The following SLC25A21 variants were observed in gnomAD, a reference collection of about 807,000 sequenced individuals.
SLC25A21 encodes the protein mitochondrial 2-oxodicarboxylate carrier.
SLC25A21 carries 47 observed loss-of-function variants against 43.8 expected under a neutral mutation model. That is an observed-to-expected ratio of 1.07 (90% confidence interval 0.85 to 1.37). The LOEUF (loss-of-function observed/expected upper bound fraction) is 1.37. Among genes scored for constraint, SLC25A21 ranks in the 40% most tolerant of loss-of-function variants. The pLI, the probability that SLC25A21 is intolerant of heterozygous loss-of-function variation, is 0.00. For missense variants in SLC25A21, 352 were observed against 350.2 expected (o/e 1.00, Z -0.04); for synonymous variants, 131 against 121.3 (o/e 1.08, Z -0.52).
intron 2 of SLC25A21, among the ~76,000 whole-genome samples, chr14:36,849,377 C>T (rs538785568): frequency 5.1e-4 from 78 of 152,102 alleles, no homozygotes; most frequent in Non-Finnish European, 9.9e-4. Context: ...GAAATGACAC[C>T]CTGATTCAAC....
chr14:36,800,380 G>A (rs1887827673), intron 3 of SLC25A21, among the ~76,000 whole-genome samples: 1 of 152,066 alleles, frequency 6.6e-6, no homozygotes, highest in South Asian at 2.1e-4. Context: ...ACATATAATG[G>A]GATATTATTC....
intron 1 of SLC25A21, among the ~76,000 whole-genome samples, chr14:36,895,695 C>G (rs1195212672): frequency 6.6e-6 from 1 of 152,174 alleles, no homozygotes. Flanking sequence ...AAATTTCCCT[C>G]TACACACTGC....
chr14:36,997,067 A>G (rs1004673960), intron 1 of SLC25A21, among the ~76,000 whole-genome samples: 2 of 152,130 alleles, frequency 1.3e-5, no homozygotes, highest in Non-Finnish European at 2.9e-5. Flanking sequence ...ATTTGTTCTT[A>G]GGACAAGAAC....
intron 1 of SLC25A21, among the ~76,000 whole-genome samples, chr14:37,107,008 G>A (rs990851180): frequency 6.6e-6 from 1 of 152,118 alleles, no homozygotes; most frequent in Non-Finnish European, 1.5e-5. Flanking sequence ...ATTGGCACAG[G>A]CATTAGTAAT....
chr14:37,129,291 T>C (rs1021249491), intron 1 of SLC25A21, among the ~76,000 whole-genome samples: 2 of 152,174 alleles, frequency 1.3e-5, no homozygotes, highest in African/African-American at 2.4e-5. Context: ...AACCAAACAA[T>C]TGGCACTTTT....
At chr14:36,843,630 T>C (rs1179697591) in intron 2 of SLC25A21, among the ~76,000 whole-genome samples, 3 of 152,160 alleles carry the variant, frequency 2.0e-5, no homozygotes, top group Non-Finnish European at 4.4e-5. Context: ...GTTGAAGACA[T>C]CATGACACCT....
At chr14:36,907,857 C>A (rs112027494) in intron 1 of SLC25A21, among the ~76,000 whole-genome samples, 2,417 of 152,250 alleles carry the variant, frequency 0.016, 62 homozygotes, top group African/African-American at 0.054. Context: ...AAATAAGGTA[C>A]AGTTCAAGGA....
chr14:37,147,840 T>TTTCC (rs1555349969), intron 1 of SLC25A21, among the ~76,000 whole-genome samples: 1 of 23,452 alleles, frequency 4.3e-5, no homozygotes, highest in Admixed American at 9.3e-4. Flanking sequence ...CTTTTTTTTC[T>TTTCC]TTTCTTTTTT....
At chr14:36,764,083 G>GA (rs1213150423) in intron 3 of SLC25A21, among the ~76,000 whole-genome samples, 2 of 19,730 alleles carry the variant, frequency 1.0e-4, no homozygotes, top group African/African-American at 1.9e-4. Flanking sequence ...AAAGAAAGAA[G>GA]GAAGGAAGGA....
At chr14:37,144,121 T>C (rs574595447) in intron 1 of SLC25A21, among the ~76,000 whole-genome samples, 7 of 152,262 alleles carry the variant, frequency 4.6e-5, no homozygotes, top group Admixed American at 4.6e-4. Context: ...AGCCAGCTAA[T>C]TACAAACTTG....
intron 1 of SLC25A21, among the ~76,000 whole-genome samples, chr14:37,137,832 G>T (rs549151063): frequency 1.3e-5 from 2 of 152,244 alleles, no homozygotes; most frequent in African/African-American, 2.4e-5. Flanking sequence ...TAACATGTCT[G>T]TATGTCAATG....
intron 1 of SLC25A21, among the ~76,000 whole-genome samples, chr14:37,167,652 A>T (rs963474667): frequency 6.6e-5 from 10 of 151,548 alleles, no homozygotes; most frequent in Non-Finnish European, 1.5e-5. Flanking sequence ...TGGAGGTTAC[A>T]AGATTCTGAC....
At chr14:36,765,878 G>A (rs1460339475) in intron 3 of SLC25A21, among the ~76,000 whole-genome samples, 1 of 152,106 alleles carries the variant, frequency 6.6e-6, no homozygotes, top group African/African-American at 2.4e-5. Flanking sequence ...CTGAGTACAG[G>A]TTCCTACCTA....
At chr14:36,835,062 A>G (rs1189323561) in intron 2 of SLC25A21, among the ~76,000 whole-genome samples, 2 of 152,222 alleles carry the variant, frequency 1.3e-5, no homozygotes, top group East Asian at 1.9e-4. Flanking sequence ...CTCGATAACA[A>G]TTTAGCACCC....
At chr14:37,076,496 T>A (rs972491458) in intron 1 of SLC25A21, among the ~76,000 whole-genome samples, 3 of 150,724 alleles carry the variant, frequency 2.0e-5, no homozygotes, top group Non-Finnish European at 4.4e-5. Context: ...TTTATTTTTG[T>A]TTTTGTTTTT....
intron 1 of SLC25A21, among the ~76,000 whole-genome samples, chr14:36,931,500 T>C (rs1892289505): frequency 6.6e-6 from 1 of 151,958 alleles, no homozygotes; most frequent in African/African-American, 2.4e-5. Context: ...AAGAGCAAAA[T>C]GTGGGGGTGG....
intron 1 of SLC25A21, among the ~76,000 whole-genome samples, chr14:37,056,652 C>T (rs1467742022): frequency 6.6e-6 from 1 of 152,172 alleles, no homozygotes; most frequent in Non-Finnish European, 1.5e-5. Flanking sequence ...AGTGAGCCTG[C>T]CACAGTTTTC....
chr14:36,784,142 T>C (rs191802786), intron 3 of SLC25A21, among the ~76,000 whole-genome samples: 5 of 152,328 alleles, frequency 3.3e-5, no homozygotes, highest in African/African-American at 4.8e-5. Flanking sequence ...ACAGGCACCA[T>C]AGATGACTTC....
At position 37,055,677 on chromosome 14, in the gene SLC25A21, A is replaced by G. The variant is rs1214421842; in HGVS notation, c.70+116604T>C. Among the ~76,000 whole-genome samples the G allele has an allele frequency of 2.0e-4, 31 of 152,150 alleles. 1 individual carries two copies. The highest frequency in any genetic ancestry group is 2.0e-3 in the Admixed American group (31 of 15,280). ...ACAGTCTAGCTGAGCCTAGTCTTTC[A>G]ACCATCCCCACCAAGGCCCCAGACA... On this transcript the variant is annotated intron_variant, in intron 1 of 9. Coordinates refer to ENST00000331299, the MANE Select transcript of SLC25A21 (RefSeq NM_030631.4).
Sources: gnomAD v4.1 joint callset for allele counts (sites outside exome capture counted in the v4.1 genomes callset) on GRCh38, gnomAD v4.1.1 for gene constraint, MANE v1.5 for transcripts, NCBI Gene and HGNC (gene_info 2026-07-23, HGNC 2026-07-21) for gene names.